Variants in ANKS1A observed in about 807,000 individuals in gnomAD.
The protein encoded by ANKS1A is ankyrin repeat and SAM domain-containing protein 1A.
A neutral mutation model predicts 120.3 loss-of-function variants in ANKS1A; 55 were observed. That is an observed-to-expected ratio of 0.46 (90% CI 0.37 to 0.57). The LOEUF (loss-of-function observed/expected upper bound fraction) is 0.57, where lower values mean the gene tolerates loss of function less well. Ranked by LOEUF, ANKS1A falls within the 20% of genes least tolerant of loss-of-function variation. The probability of loss-of-function intolerance (pLI) is 0.00; values close to 1 mark genes in which losing one functional copy is unlikely to be tolerated. For missense variants in ANKS1A, 1,123 were observed against 1,480.3 expected (o/e 0.76, Z 3.96); for synonymous variants, 590 against 604.7 (o/e 0.98, Z 0.36).
At position 34,900,390 on chromosome 6, in the gene ANKS1A, C is replaced by T. The variant is rs1006170158; in HGVS notation, c.197+10791C>T. Among the ~76,000 whole-genome samples, 4 of 152,024 alleles carry T rather than the reference C, an allele frequency of 2.6e-5. No individual in the cohort carries two copies. The South Asian group carries it at 8.3e-4, about 32-fold the overall frequency. On this transcript the variant is annotated intron_variant, in intron 1 of 23. Coordinates refer to ENST00000360359, the MANE Select transcript of ANKS1A (RefSeq NM_015245.3). ...ATAGTTGCTTTTATACCACTTCATG[C>T]TATACCCTTCTAAGCACTTTACAAG...
intron 10 of ANKS1A, among the ~76,000 whole-genome samples, chr6:34,996,899 T>C (rs540394768): frequency 2.6e-5 from 4 of 152,366 alleles, no homozygotes; most frequent in Admixed American, 1.3e-4. Flanking sequence ...GTTTTACAAA[T>C]GGCTATCCAA....
chr6:34,946,982 C>CT (rs1469031115), intron 1 of ANKS1A, among the ~76,000 whole-genome samples: 2 of 152,158 alleles, frequency 1.3e-5, no homozygotes, highest in East Asian at 1.9e-4. Context: ...CATGCTAACT[C>CT]TGTGTGCTTG....
intron 10 of ANKS1A, among the ~76,000 whole-genome samples, chr6:35,013,374 A>G (rs528029273): frequency 4.6e-5 from 7 of 152,232 alleles, no homozygotes; most frequent in Admixed American, 4.6e-4. Flanking sequence ...AGCTCACTGC[A>G]GCCTTGAATT....
Position 35,024,495 on chromosome 6 carries a change from T to A in ANKS1A, c.2010+6436T>A, listed in dbSNP as rs112940261. 8.5e-3 allele frequency among the ~76,000 whole-genome samples: 1,288 copies of A among 152,352 alleles called. 10 individuals carry two copies. Among genetic ancestry groups the A allele is most frequent in the Middle Eastern group, 0.027 (8 of 294 alleles). ...GATAAATTTGTGTTTTGTAATCAGC[T>A]TTCATAAATATTAAATAAGTGGGAG... is the stretch of plus-strand genomic sequence containing the variant. On this transcript the variant is annotated intron_variant, in intron 11 of 23. Transcript: ENST00000360359.
At chr6:34,984,029 T>C (rs4713829) in intron 7 of ANKS1A, among the ~76,000 whole-genome samples, 152,102 of 152,276 alleles carry the variant, frequency 1, 75,964 homozygotes, top group Middle Eastern at 1. Flanking sequence ...CTCCTGACCT[T>C]GAGATTTGCC....
At chr6:35,018,966 G>A (rs556175764) in intron 11 of ANKS1A, among the ~76,000 whole-genome samples, 1 of 152,268 alleles carries the variant, frequency 6.6e-6, no homozygotes, top group East Asian at 1.9e-4. Flanking sequence ...TCCAGCAGAA[G>A]GGTCCTGCCC....
chr6:35,080,339 A>G (rs1374456207), intron 16 of ANKS1A, among the ~76,000 whole-genome samples: 1 of 152,134 alleles, frequency 6.6e-6, no homozygotes, highest in East Asian at 1.9e-4. Context: ...CTCACCCATG[A>G]TCTGTTGCTC....
At chr6:34,928,325 T>A (rs1768815805) in intron 1 of ANKS1A, among the ~76,000 whole-genome samples, 1 of 152,142 alleles carries the variant, frequency 6.6e-6, no homozygotes, top group Non-Finnish European at 1.5e-5. Context: ...CAGGATCCTC[T>A]GAAAAGACTC....
At chr6:34,983,042 T>G in intron 5 of ANKS1A, 71 bp from the exon 6 acceptor site, 1 of 1,481,154 alleles carries the variant, frequency 6.8e-7, no homozygotes, top group East Asian at 2.3e-5. Flanking sequence ...TTAAATGTCC[T>G]AAAATTTGAC....
At chr6:35,020,933 A>G (rs1774301426) in intron 11 of ANKS1A, among the ~76,000 whole-genome samples, 1 of 152,232 alleles carries the variant, frequency 6.6e-6, no homozygotes, top group Admixed American at 6.5e-5. Context: ...AAAAAACTTA[A>G]AGGCAATTGA....
At chr6:35,092,688 C>G (rs1201771178), downstream of ANKS1A, among the ~76,000 whole-genome samples, 3 of 152,244 alleles carry the variant, frequency 2.0e-5, no homozygotes, top group Non-Finnish European at 4.4e-5. Flanking sequence ...CACCAGGACA[C>G]ATAGCTGCTA....
At chr6:34,912,514 A>G (rs1223541519) in intron 1 of ANKS1A, among the ~76,000 whole-genome samples, 1 of 152,218 alleles carries the variant, frequency 6.6e-6, no homozygotes, top group East Asian at 1.9e-4. Context: ...CAGAGGTTCA[A>G]CAGCACACTG....
chr6:34,910,919 G>A (rs1021734735), intron 1 of ANKS1A, among the ~76,000 whole-genome samples: 1 of 151,934 alleles, frequency 6.6e-6, no homozygotes, highest in Non-Finnish European at 1.5e-5. Flanking sequence ...GAATGAATAG[G>A]ATATTACAAC....
At chr6:35,034,144 T>C (rs1348112666) in intron 11 of ANKS1A, among the ~76,000 whole-genome samples, 1 of 152,236 alleles carries the variant, frequency 6.6e-6, no homozygotes, top group Non-Finnish European at 1.5e-5. Context: ...GCTACCTTGG[T>C]ACCTTTTGCC....
At chr6:34,956,002 C>T (rs116823546) in intron 1 of ANKS1A, among the ~76,000 whole-genome samples, 3,352 of 152,084 alleles carry the variant, frequency 0.022, 50 homozygotes, top group Middle Eastern at 0.041. Context: ...ACAGGATGGA[C>T]TCATAAGCGG....
chr6:34,990,937 G>A (rs866121893), intron 9 of ANKS1A, among the ~76,000 whole-genome samples: 2 of 152,164 alleles, frequency 1.3e-5, no homozygotes, highest in East Asian at 1.9e-4. Context: ...GATCCAGGCA[G>A]ATTTTATTCA....
At chr6:35,039,292 G>A (rs563678961) in intron 11 of ANKS1A, among the ~76,000 whole-genome samples, 1 of 145,938 alleles carries the variant, frequency 6.9e-6, no homozygotes, top group South Asian at 2.1e-4. Flanking sequence ...TCCGCCTCCT[G>A]GGTTCAAGCG....
At chr6:34,941,988 A>G (rs1769560252) in intron 1 of ANKS1A, among the ~76,000 whole-genome samples, 1 of 152,222 alleles carries the variant, frequency 6.6e-6, no homozygotes, top group African/African-American at 2.4e-5. Context: ...AGAGGTTAAT[A>G]ATATCATTAG....
Position 35,017,669 on chromosome 6 carries a change from C to T in ANKS1A, c.1620C>T (p.Ala540=), listed in dbSNP as rs375047141. 2.7e-5 allele frequency: 43 copies of T among 1,613,904 alleles called. No homozygotes were observed. The African/African-American group carries it at 5.1e-4, about 19-fold the overall frequency. The change falls in exon 11 of 24, where the codon GCC becomes GCT. Residue 540 remains alanine, a synonymous_variant. Coordinates refer to ENST00000360359, the MANE Select transcript of ANKS1A (RefSeq NM_015245.3). ...CCCAGCAGGGCGCCTGCCACAAGGC[C>T]AGCATGCAGCTGGAGGAGACGGGTG... ...GSPQQGACHK[A]SMQLEETGVH...
Sources: gnomAD v4.1 joint callset for allele counts (sites outside exome capture counted in the v4.1 genomes callset) on GRCh38, gnomAD v4.1.1 for gene constraint, MANE v1.5 for transcripts, NCBI Gene and HGNC (gene_info 2026-07-23, HGNC 2026-07-21) for gene names.